Variants in KCNC3 observed in about 807,000 individuals in gnomAD.
KCNC3 encodes the protein potassium voltage-gated channel subfamily C member 3.
A neutral mutation model predicts 43.9 loss-of-function variants in KCNC3; 22 were observed. The observed-to-expected ratio is 0.50, with a 90% CI of 0.36 to 0.72. The LOEUF is 0.72. Ranked by LOEUF, KCNC3 falls within the 30% of genes least tolerant of loss-of-function variation. KCNC3 has a pLI of 0.00. For missense variants in KCNC3, 829 were observed against 1,073.8 expected (o/e 0.77, Z 3.19); for synonymous variants, 492 against 488.0 (o/e 1.01, Z -0.11).
intron 1 of KCNC3, among the ~76,000 whole-genome samples, chr19:50,326,483 C>T (rs2037107549): frequency 1.3e-5 from 2 of 152,120 alleles, no homozygotes; most frequent in South Asian, 4.1e-4. Context: ...AGGCGTCCCC[C>T]CGCTCCCTCC....
At chr19:50,316,256 G>A (rs1431635340) in intron 4 of KCNC3, among the ~76,000 whole-genome samples, 165 bp from the exon 5 acceptor site, 2 of 151,096 alleles carry the variant, frequency 1.3e-5, no homozygotes, top group Non-Finnish European at 3.0e-5. Flanking sequence ...GGGCGGCTGA[G>A]ACATCAAATA....
chr19:50,320,659 T>C lies in KCNC3; in HGVS notation c.2104A>G (p.Ser702Gly). The C allele has an allele frequency of 2.5e-6, 4 of 1,613,558 alleles. No homozygotes were observed. The highest frequency in any genetic ancestry group is 3.4e-6 in the Non-Finnish European group (4 of 1,179,932). ...PITPGSRGRY[S>G]RDRACFLLTD... is the part of the protein sequence containing the mutation. Reference sequence around the variant, plus strand: ...AGGAGGAAGCAGGCTCGGTCCCGGCTATAGCGGCCACGGCTTCCAGGCGTG... The same window carrying C: ...AGGAGGAAGCAGGCTCGGTCCCGGCCATAGCGGCCACGGCTTCCAGGCGTG... Residue 702 changes from serine (S) to glycine (G), a missense_variant, in exon 3 of 5, where the codon AGC (serine) becomes GGC (glycine). Ser to Gly is a moderately conservative substitution (Grantham distance 56). This residue lies in a region of KCNC3 where 308 missense variants were observed against 276.2 expected (regional missense o/e 1.11). Transcript: ENST00000477616.
chr19:50,330,891 C>T (rs2037180215), upstream of KCNC3, among the ~76,000 whole-genome samples: 1 of 151,500 alleles, frequency 6.6e-6, no homozygotes, highest in African/African-American at 2.4e-5. Flanking sequence ...GGGGCTGGGG[C>T]GGGGCCAGCG....
chr19:50,320,902 C>G, intron 2 of KCNC3, 118 bp from the exon 3 acceptor site: 1 of 980,228 alleles, frequency 1.0e-6, no homozygotes, highest in Non-Finnish European at 1.5e-6. Context: ...ATGTTTGGCA[C>G]TGGAAGTGGA....
chr19:50,321,702 G>A (rs892897394), intron 2 of KCNC3, among the ~76,000 whole-genome samples: 8 of 152,240 alleles, frequency 5.3e-5, no homozygotes, highest in East Asian at 1.9e-4. Flanking sequence ...CCCGGGAGGC[G>A]GAGGTTGCAG....
At chr19:50,318,427 G>A (rs1042127515) in intron 4 of KCNC3, among the ~76,000 whole-genome samples, 2 of 151,986 alleles carry the variant, frequency 1.3e-5, no homozygotes, top group African/African-American at 4.8e-5. Context: ...CACTGTCCTC[G>A]GCCTCCCAAA....
At position 50,324,099 on chromosome 19, in the gene KCNC3, G is replaced by A; in HGVS notation, c.871-17C>T. The A allele has an allele frequency of 1.3e-6, 2 of 1,573,508 alleles. No homozygotes were observed. The highest frequency in any genetic ancestry group is 1.7e-6 in the Non-Finnish European group (2 of 1,159,290). On this transcript the variant is annotated splice_polypyrimidine_tract_variant and intron_variant, in intron 1 of 4. Coordinates refer to ENST00000477616, the MANE Select transcript of KCNC3 (RefSeq NM_004977.3). The surrounding 1 kb of genome is among the most constrained non-coding windows in gnomAD (Gnocchi z 4.1). ...GGCCACATACTGCAGGGCAGGGAGG[G>A]AGAGAGAGGGGGAGAGGTGACCTAG... is the stretch of plus-strand genomic sequence containing the variant.
intron 1 of KCNC3, among the ~76,000 whole-genome samples, chr19:50,326,547 C>T (rs1473580374): frequency 6.6e-6 from 1 of 152,184 alleles, no homozygotes; most frequent in Admixed American, 6.5e-5. Context: ...CAGGACGCGG[C>T]ACGGTGGGGG....
chr19:50,324,938 G>A lies in KCNC3; in HGVS notation c.871-856C>T, dbSNP rs2037084360. Among the ~76,000 whole-genome samples, 1 of 152,082 alleles carries A rather than the reference G, an allele frequency of 6.6e-6. No homozygotes were observed. Among genetic ancestry groups the A allele is most frequent in the Non-Finnish European group, 1.5e-5 (1 of 68,028 alleles). ...ATGGAAGAGGAGATAAAAGAGGAGA[G>A]TCAGGCAGGGTTTAGGGCCCTGAAG... On this transcript the variant is annotated intron_variant, in intron 1 of 4. Coordinates refer to ENST00000477616, the MANE Select transcript of KCNC3 (RefSeq NM_004977.3). The surrounding 1 kb of genome is among the most constrained non-coding windows in gnomAD (Gnocchi z 4.1).
rs1346767943 is a variant in KCNC3, at chr19:50,328,453, G to A, written c.630C>T (p.Ala210=). Reference sequence around the variant, plus strand: ...CGCCTGCGGCGTTGGCGGCGTTGGCGGCGCCCGCGGGGTCGGGCGCCTCGA... The same window carrying A: ...CGCCTGCGGCGTTGGCGGCGTTGGCAGCGCCCGCGGGGTCGGGCGCCTCGA... ...DSFEAPDPAG[A]ANAANAAGAH... Residue 210 remains alanine (A), a synonymous_variant, in exon 1 of 5, where the codon GCC becomes GCT. Transcript: ENST00000477616. 2 of 1,586,918 alleles carry A rather than the reference G, an allele frequency of 1.3e-6. No homozygotes were observed. Among genetic ancestry groups the A allele is most frequent in the East Asian group, 2.3e-5 (1 of 43,538 alleles).
At chr19:50,322,544 C>A (rs1337087353) in intron 2 of KCNC3, among the ~76,000 whole-genome samples, 1 of 152,140 alleles carries the variant, frequency 6.6e-6, no homozygotes, top group Admixed American at 6.5e-5. Context: ...TTTCTGACTC[C>A]CCGCCTCAGA....
chr19:50,317,242 A>G (rs761639133), intron 4 of KCNC3, among the ~76,000 whole-genome samples: 35 of 151,944 alleles, frequency 2.3e-4, no homozygotes, highest in South Asian at 8.3e-4. Flanking sequence ...GGGGGATGGA[A>G]CAAGAGGAGC....
intron 1 of KCNC3, among the ~76,000 whole-genome samples, chr19:50,325,131 A>G (rs999426640): frequency 1.3e-5 from 2 of 152,070 alleles, no homozygotes; most frequent in Non-Finnish European, 2.9e-5. Flanking sequence ...GGTTTTGATG[A>G]AGGCCTAGAA....
rs748151383 is a variant in KCNC3, at chr19:50,320,681, C to T, written c.2082G>A (p.Thr694=). The change falls in exon 3 of 5, where the codon ACG becomes ACA. Residue 694 remains threonine (T), a synonymous_variant. Coordinates refer to ENST00000477616, the MANE Select transcript of KCNC3 (RefSeq NM_004977.3). ...GGCTATAGCGGCCACGGCTTCCAGG[C>T]GTGATGGGGCTCTTGTCTTCCGGGG... ...AMSPEDKSPI[T]PGSRGRYSRD... The T allele has an allele frequency of 4.2e-5, 67 of 1,613,588 alleles. No homozygotes were observed. Among genetic ancestry groups the T allele is most frequent in the South Asian group, 1.1e-4 (10 of 91,066 alleles).
At position 50,320,623 on chromosome 19, in the gene KCNC3, C is replaced by G; in HGVS notation, c.2140G>C (p.Ala714Pro). Residue 714 changes from alanine to proline, a missense_variant, in exon 3 of 5, where the codon GCC becomes CCC. By Grantham distance (27) the Ala-to-Pro change is conservative (BLOSUM62 -1). Around this residue, in one of 7 missense-constraint regions of KCNC3, gnomAD observed 308 missense variants for 276.2 expected, o/e 1.11. Transcript: ENST00000477616. ...DRACFLLTDY[A>P]PSPDGSIRKA... ...CGGATGGAGCCATCAGGGGAAGGGG[C>G]ATAGTCGGTGAGGAGGAAGCAGGCT... is the stretch of plus-strand genomic sequence containing the variant. 1.2e-6 allele frequency: 2 copies of G among 1,612,628 alleles called. No homozygotes were observed. The highest frequency in any genetic ancestry group is 1.7e-6 in the Non-Finnish European group (2 of 1,179,792).
chr19:50,314,525 G>T lies in KCNC3; in HGVS notation c.*1590C>A, dbSNP rs1284474042. ...AGGGAAGGCATGCAGTGTGTGGGGG[G>T]AGGTGCCCCAAGATGTAACTGGCAT... On this transcript the variant is annotated 3_prime_UTR_variant, in exon 5 of 5. Coordinates refer to ENST00000477616, the MANE Select transcript of KCNC3 (RefSeq NM_004977.3). The T allele has an allele frequency of 7.9e-6, 2 of 252,086 alleles. No individual in the cohort carries two copies. Among genetic ancestry groups the T allele is most frequent in the Admixed American group, 5.4e-5 (1 of 18,398 alleles). The allele number at this position is 252,086 out of a possible 1,614,324, so 15.6% of individuals were successfully genotyped here.
In KCNC3 at chr19:50,312,125, G is replaced by A. The variant is rs1235541120; in HGVS notation, c.*3990C>T. ...ACGCCGACCCCTCCCTCCCTGCCCT[G>A]CGGGTGGGCTGAGAAGACCCGCCAT... is the stretch of plus-strand genomic sequence containing the variant. On this transcript the variant is annotated 3_prime_UTR_variant, in exon 5 of 5. Transcript: ENST00000477616. 2.6e-5 allele frequency: 4 copies of A among 151,766 alleles called. No individual in the cohort carries two copies. Among genetic ancestry groups the A allele is most frequent in the East Asian group, 3.9e-4 (2 of 5,156 alleles). 9.4% of individuals were successfully genotyped at this position (151,766 alleles called of 1,614,324 possible).
At chr19:50,320,537 C>T in intron 3 of KCNC3, 56 bp downstream of exon 3, 2 of 1,536,820 alleles carry the variant, frequency 1.3e-6, no homozygotes, top group East Asian at 2.3e-5. Flanking sequence ...CCTCCCTCCC[C>T]TGGGCAGGGG....
intron 1 of KCNC3, among the ~76,000 whole-genome samples, chr19:50,327,633 C>T (rs2037122109): frequency 6.6e-6 from 1 of 151,730 alleles, no homozygotes; most frequent in Non-Finnish European, 1.5e-5. Context: ...CGGGGTGAAT[C>T]GGGGAGGTGC....
Sources: gnomAD v4.1 joint callset for allele counts (sites outside exome capture counted in the v4.1 genomes callset) on GRCh38, gnomAD v4.1.1 for gene constraint, gnomAD v4.1.1 regional missense constraint, Gnocchi (gnomAD v3.1) non-coding constraint, MANE v1.5 for transcripts, NCBI Gene and HGNC (gene_info 2026-07-23, HGNC 2026-07-21) for gene names.